EGFR: variants seen among roughly 807,000 people sequenced by gnomAD.
EGFR encodes avian erythroblastic leukemia viral (v-erb-b) oncogene homolog.
In EGFR, 58 loss-of-function variants were observed where a neutral mutation model predicts 143.0. That is an observed-to-expected ratio of 0.41 (90% CI 0.33 to 0.50). The LOEUF is 0.50. EGFR is among the 20% of genes least tolerant of loss of function. The pLI is 0.39. For missense variants in EGFR, 1,307 were observed against 1,579.0 expected (o/e 0.83, Z 2.92); for synonymous variants, 613 against 594.4 (o/e 1.03, Z -0.45).
intron 10 of EGFR, among the ~76,000 whole-genome samples, 179 bp from the exon 11 acceptor site, chr7:55,157,484 G>C (rs900061637): frequency 2.6e-4 from 40 of 152,298 alleles, no homozygotes; most frequent in African/African-American, 8.9e-4. Context: ...ACTGTGGCTC[G>C]GCCTGCGTCC....
chr7:55,028,342 T>C (rs73131824), intron 1 of EGFR, among the ~76,000 whole-genome samples: 21 of 152,286 alleles, frequency 1.4e-4, no homozygotes, highest in Non-Finnish European at 2.1e-4. Flanking sequence ...CATGTTTTAG[T>C]GTCTCTGCTG....
chr7:55,196,312 A>T (rs1457139068), intron 22 of EGFR, among the ~76,000 whole-genome samples: 2 of 151,364 alleles, frequency 1.3e-5, no homozygotes, highest in Non-Finnish European at 2.9e-5. Context: ...GGCTGCATGT[A>T]TGTCTTCTTC....
intron 1 of EGFR, among the ~76,000 whole-genome samples, chr7:55,037,917 G>T (rs1250368208): frequency 6.6e-6 from 1 of 152,182 alleles, no homozygotes; most frequent in East Asian, 1.9e-4. Flanking sequence ...GCTGGGAAGA[G>T]GGGTACTGAG....
At chr7:55,104,134 C>T (rs1185391769) in intron 1 of EGFR, among the ~76,000 whole-genome samples, 6 of 152,114 alleles carry the variant, frequency 3.9e-5, no homozygotes, top group Non-Finnish European at 8.8e-5. Context: ...CTGTTGCTAC[C>T]GATAAAGGAG....
At chr7:55,044,302 C>T in intron 1 of EGFR, among the ~76,000 whole-genome samples, 1 of 152,090 alleles carries the variant, frequency 6.6e-6, no homozygotes, top group East Asian at 1.9e-4. Flanking sequence ...GCAGCCTGCC[C>T]AAGGGTGAAA....
intron 1 of EGFR, among the ~76,000 whole-genome samples, chr7:55,106,817 AT>A (rs764162220): frequency 6.6e-6 from 1 of 152,196 alleles, no homozygotes; most frequent in Non-Finnish European, 1.5e-5. Context: ...TAAAGTGTAC[AT>A]TTTAAAGTCG....
At chr7:55,171,801 C>T (rs1290825970) in intron 16 of EGFR, among the ~76,000 whole-genome samples, 1 of 152,138 alleles carries the variant, frequency 6.6e-6, no homozygotes, top group Non-Finnish European at 1.5e-5. Context: ...TGGCGTCTAG[C>T]CAGGAATCAT....
chr7:55,207,192 A>T lies in EGFR; in HGVS notation c.*1575A>T, dbSNP rs766216876. 1 of 232,870 alleles carries T rather than the reference A, an allele frequency of 4.3e-6. No individual in the cohort carries two copies. Among genetic ancestry groups the T allele is most frequent in the South Asian group, 1.8e-4 (1 of 5,532 alleles). The allele number at this position is 232,870 out of a possible 1,614,324, so 14.4% of individuals were successfully genotyped here. A position where few individuals can be genotyped will look rare whatever the true frequency, so the allele number is the denominator to read the frequency against. ...CAGAAAATATTTTCAGCCTACAGTT[A>T]TGTTCAGTCACACACACATACAAAA... On this transcript the variant is annotated 3_prime_UTR_variant, in exon 28 of 28. Transcript: ENST00000275493.
chr7:55,193,740 G>A (rs1047334370), intron 22 of EGFR, among the ~76,000 whole-genome samples: 1 of 152,202 alleles, frequency 6.6e-6, no homozygotes, highest in Non-Finnish European at 1.5e-5. Context: ...CTATTGAAAT[G>A]AATTTCCAAG....
At chr7:55,177,142 G>A (rs867942549) in intron 19 of EGFR, among the ~76,000 whole-genome samples, 1 of 151,956 alleles carries the variant, frequency 6.6e-6, no homozygotes, top group African/African-American at 2.4e-5. Context: ...GTCAGAGGGC[G>A]ACAAGCCTGG....
At chr7:55,162,087 A>T (rs149353705) in intron 13 of EGFR, among the ~76,000 whole-genome samples, 1 of 152,254 alleles carries the variant, frequency 6.6e-6, no homozygotes, top group African/African-American at 2.4e-5. Flanking sequence ...TTGAACATCA[A>T]ACAGTACCAG....
Position 55,030,720 on chromosome 7 carries a change from A to C in EGFR, c.88+11355A>C, listed in dbSNP as rs143210180. Among the ~76,000 whole-genome samples the C allele has an allele frequency of 6.8e-3, 1,035 of 152,366 alleles. 7 individuals are homozygous for C. The highest frequency in any genetic ancestry group is 0.01 in the Non-Finnish European group (682 of 68,036). ...ACTTAACCTCTTTAGGGTGTGAAAC[A>C]GCTTTTACAAAAAGAGACAAACTTA... On this transcript the variant is annotated intron_variant, in intron 1 of 27. Coordinates refer to ENST00000275493, the MANE Select transcript of EGFR (RefSeq NM_005228.5).
At chr7:55,052,442 C>T (rs1788543181) in intron 1 of EGFR, among the ~76,000 whole-genome samples, 1 of 152,178 alleles carries the variant, frequency 6.6e-6, no homozygotes, top group Non-Finnish European at 1.5e-5. Flanking sequence ...TCTTCAGAAA[C>T]CAGACTTTTC....
intron 1 of EGFR, among the ~76,000 whole-genome samples, chr7:55,098,365 T>A (rs1240922871): frequency 6.6e-6 from 1 of 152,216 alleles, no homozygotes; most frequent in Admixed American, 6.5e-5. Flanking sequence ...ACAGCACGCA[T>A]GACCTTCCCA....
At chr7:55,155,731 A>G in intron 7 of EGFR, 99 bp from the exon 8 acceptor site, 5 of 878,546 alleles carry the variant, frequency 5.7e-6, no homozygotes, top group Non-Finnish European at 9.8e-6. Context: ...AGGAGGATGG[A>G]GCCTTTCCAT....
intron 1 of EGFR, among the ~76,000 whole-genome samples, chr7:55,066,187 G>A (rs888778001): frequency 1.3e-5 from 2 of 152,168 alleles, no homozygotes; most frequent in African/African-American, 4.8e-5. Flanking sequence ...TCAGCAGGGG[G>A]TGTTCTGGCA....
rs569802504 is a variant in EGFR, at chr7:55,174,931, A to G, written c.2283+111A>G. The G allele has an allele frequency of 1.3e-5, 11 of 833,048 alleles. No individual in the cohort carries two copies. In the East Asian group the frequency reaches 2.9e-4, roughly 22 times the overall value. The allele number at this position is 833,048 out of a possible 1,614,324, so 51.6% of individuals were successfully genotyped here. ...GACCCTGCTCATCTCCACATCCTAA[A>G]TGTTCACTTTCTATGTCTTTCCCTT... On this transcript the variant is annotated intron_variant, in intron 19 of 27. Transcript: ENST00000275493.
chr7:55,070,666 C>T (rs553911168), intron 1 of EGFR, among the ~76,000 whole-genome samples: 5 of 152,324 alleles, frequency 3.3e-5, no homozygotes, highest in African/African-American at 1.2e-4. Flanking sequence ...TTGCAAACGG[C>T]CCTGAGTCCC....
chr7:55,194,350 C>A (rs920412555), intron 22 of EGFR, among the ~76,000 whole-genome samples: 3 of 151,852 alleles, frequency 2.0e-5, no homozygotes, highest in African/African-American at 7.3e-5. Flanking sequence ...CCTCAGCCTC[C>A]TGAGTAGCTG....
Sources: allele counts gnomAD v4.1 joint callset (sites outside exome capture counted in the v4.1 genomes callset), GRCh38; gene constraint gnomAD v4.1.1; transcripts MANE v1.5; gene names NCBI Gene and HGNC (gene_info 2026-07-23, HGNC 2026-07-21).